BACH2: variants seen among roughly 807,000 people sequenced by gnomAD.
The protein encoded by BACH2 is BACH transcriptional regulator 2, also known as transcription regulator protein BACH2.
BACH2 carries 5 observed loss-of-function variants against 61.8 expected under a neutral mutation model. The ratio of observed to expected loss-of-function variants is 0.08; its 90% CI spans 0.04 to 0.17. The LOEUF is 0.17. Ranked by LOEUF, BACH2 falls within the 10% of genes least tolerant of loss-of-function variation. The pLI is 1.00. For synonymous variants in BACH2, 446 were observed against 440.1 expected (o/e 1.01, Z -0.17); for missense variants, 824 against 1,091.1 (o/e 0.76, Z 3.45).
intron 6 of BACH2, among the ~76,000 whole-genome samples, chr6:90,006,091 T>C (rs1369563136): frequency 6.6e-6 from 1 of 152,254 alleles, no homozygotes; most frequent in Non-Finnish European, 1.5e-5. Context: ...TTTAAGGTTA[T>C]GTCATATACA....
chr6:90,159,601 T>C (rs1785118980), intron 4 of BACH2, among the ~76,000 whole-genome samples: 1 of 152,204 alleles, frequency 6.6e-6, no homozygotes, highest in African/African-American at 2.4e-5. Flanking sequence ...ACACAAAGCA[T>C]TGAGCCATGC....
chr6:90,164,782 C>T (rs1480132677), intron 4 of BACH2, among the ~76,000 whole-genome samples: 2 of 152,188 alleles, frequency 1.3e-5, no homozygotes, highest in African/African-American at 4.8e-5. Flanking sequence ...TAAACATAAT[C>T]CAGCATATAA....
At chr6:90,149,961 G>A (rs921827463) in intron 4 of BACH2, among the ~76,000 whole-genome samples, 4 of 152,172 alleles carry the variant, frequency 2.6e-5, no homozygotes, top group African/African-American at 9.7e-5. Context: ...TAAATGGGAG[G>A]TCTTAATCAC....
intron 4 of BACH2, among the ~76,000 whole-genome samples, chr6:90,168,888 T>A (rs1252251550): frequency 6.6e-6 from 1 of 152,380 alleles, no homozygotes; most frequent in East Asian, 1.9e-4. Flanking sequence ...ACACTTTTTA[T>A]CACTAAACAC....
intron 4 of BACH2, among the ~76,000 whole-genome samples, chr6:90,099,109 T>C (rs1782507396): frequency 6.6e-6 from 1 of 152,228 alleles, no homozygotes; most frequent in Non-Finnish European, 1.5e-5. Flanking sequence ...TTAATTCCTT[T>C]GTTTTTTCTC....
intron 5 of BACH2, among the ~76,000 whole-genome samples, chr6:90,071,967 G>C (rs143087615): frequency 7.9e-5 from 12 of 152,156 alleles, no homozygotes; most frequent in Non-Finnish European, 1.6e-4. Flanking sequence ...GGAAGAAGAG[G>C]GATTGGTCTT....
At chr6:90,107,549 T>C (rs534114930) in intron 4 of BACH2, among the ~76,000 whole-genome samples, 16 of 152,306 alleles carry the variant, frequency 1.1e-4, no homozygotes, top group Admixed American at 9.2e-4. Flanking sequence ...ATTTCATTAA[T>C]GCTTTGGGCA....
chr6:89,981,837 T>C (rs1430789423), intron 6 of BACH2, among the ~76,000 whole-genome samples: 2 of 152,146 alleles, frequency 1.3e-5, no homozygotes, highest in Non-Finnish European at 2.9e-5. Context: ...ATCAATGCAA[T>C]ATATTATTTG....
chr6:90,233,990 GT>G (rs374803649), intron 3 of BACH2, among the ~76,000 whole-genome samples: 3 of 152,254 alleles, frequency 2.0e-5, no homozygotes, highest in African/African-American at 7.2e-5. Context: ...GGGTTTTCCT[GT>G]TAGTCTGAAG....
intron 6 of BACH2, among the ~76,000 whole-genome samples, chr6:89,989,136 G>A (rs746639746): frequency 4.6e-5 from 7 of 152,266 alleles, no homozygotes; most frequent in Non-Finnish European, 8.8e-5. Flanking sequence ...AAGAAAGAAG[G>A]CCCTGTATGC....
At chr6:90,294,844 T>C (rs944752711) in intron 1 of BACH2, among the ~76,000 whole-genome samples, 3 of 152,186 alleles carry the variant, frequency 2.0e-5, no homozygotes, top group African/African-American at 7.2e-5. Context: ...CTTTCCTACA[T>C]GTTACATTTT....
intron 6 of BACH2, among the ~76,000 whole-genome samples, chr6:89,973,056 C>G (rs1272477301): frequency 6.6e-6 from 1 of 152,178 alleles, no homozygotes; most frequent in African/African-American, 2.4e-5. Flanking sequence ...TGCCACTGCA[C>G]TCCAGCCTGG....
chr6:90,267,337 G>A (rs914274242), intron 2 of BACH2, among the ~76,000 whole-genome samples: 2 of 152,150 alleles, frequency 1.3e-5, no homozygotes, highest in Non-Finnish European at 2.9e-5. Context: ...CACTCTTGCT[G>A]GCAATCAGGG....
chr6:90,042,016 A>G (rs1191043059), intron 5 of BACH2, among the ~76,000 whole-genome samples: 1 of 152,074 alleles, frequency 6.6e-6, no homozygotes, highest in Non-Finnish European at 1.5e-5. Context: ...TCTTCTGACC[A>G]CTGCTTTAAG....
chr6:90,275,406 G>T (rs1170332767), intron 1 of BACH2, among the ~76,000 whole-genome samples: 1 of 152,040 alleles, frequency 6.6e-6, no homozygotes, highest in Non-Finnish European at 1.5e-5. Context: ...AAAATTAGAA[G>T]AAAAATGGAA....
chr6:90,095,608 G>A (rs1782350117), intron 4 of BACH2, among the ~76,000 whole-genome samples: 1 of 152,160 alleles, frequency 6.6e-6, no homozygotes, highest in Non-Finnish European at 1.5e-5. Context: ...GGATGGTGCA[G>A]GCAGAACTAC....
At chr6:90,084,732 T>C (rs1210469867) in intron 5 of BACH2, among the ~76,000 whole-genome samples, 1 of 152,146 alleles carries the variant, frequency 6.6e-6, no homozygotes, top group Non-Finnish European at 1.5e-5. Context: ...TTTTACCTCT[T>C]TTCAGTTACA....
chr6:90,269,763 T>C (rs1278039647), intron 2 of BACH2, among the ~76,000 whole-genome samples: 1 of 152,240 alleles, frequency 6.6e-6, no homozygotes, highest in Non-Finnish European at 1.5e-5. Flanking sequence ...AATCAGTGTG[T>C]TCATAAGATG....
In BACH2 at chr6:90,075,925, A is replaced by G. The variant is rs1582317049; in HGVS notation, c.-13+13036T>C. 2.6e-5 allele frequency among the ~76,000 whole-genome samples: 4 copies of G among 152,326 alleles called. No homozygotes were observed. In the South Asian group the frequency reaches 8.3e-4, roughly 32 times the overall value. ...ATGAGCATTTGAAGTCAAACTGGAA[A>G]ATGGTGACTGGCACATCTGCAATGA... On this transcript the variant is annotated intron_variant, in intron 5 of 8. Transcript: ENST00000257749.
Sources: allele counts gnomAD v4.1 joint callset (sites outside exome capture counted in the v4.1 genomes callset), GRCh38; gene constraint gnomAD v4.1.1; transcripts MANE v1.5; gene names NCBI Gene and HGNC (gene_info 2026-07-23, HGNC 2026-07-21).